NOS3: variants seen among roughly 807,000 people sequenced by gnomAD.
The protein encoded by NOS3 is NOS type III.
A neutral mutation model predicts 144.9 loss-of-function variants in NOS3; 98 were observed. The ratio of observed to expected loss-of-function variants is 0.68; its 90% CI spans 0.57 to 0.80. The LOEUF (loss-of-function observed/expected upper bound fraction) is 0.80. Ranked by LOEUF, NOS3 falls within the 30% of genes least tolerant of loss-of-function variation. The pLI is 0.00. For synonymous variants in NOS3, 714 were observed against 702.4 expected, an observed-to-expected ratio of 1.02 and a Z score of -0.26; for missense variants, 1,465 against 1,656.4, an observed-to-expected ratio of 0.88 and a Z score of 2.01.
At chr7:151,011,831 G>T in intron 23 of NOS3, 1 of 444,454 alleles carries the variant, frequency 2.2e-6, no homozygotes. Flanking sequence ...GACCGAGGGT[G>T]AAGGATTTTA....
intron 4 of NOS3, 50 bp from the exon 5 acceptor site, chr7:150,996,713 T>C: frequency 6.3e-7 from 1 of 1,584,668 alleles, no homozygotes; most frequent in East Asian, 2.3e-5. Context: ...AGGGCCTCCC[T>C]GTCCCACACA....
chr7:150,993,851 C>T lies in NOS3; in HGVS notation c.48C>T (p.Gly16=), dbSNP rs1359834869. The T allele has an allele frequency of 3.1e-6, 5 of 1,602,374 alleles. No individual in the cohort carries two copies. Among genetic ancestry groups the T allele is most frequent in the South Asian group, 1.1e-5 (1 of 90,196 alleles). The part of the protein sequence containing the change: ...SVAQEPGPPC[G]LGLGLGLGLC... ...CCCAGGAGCCTGGGCCACCCTGCGG[C>T]CTGGGGCTGGGGCTGGGCCTTGGGC... is the stretch of plus-strand genomic sequence containing the variant. The change falls in exon 2 of 27, where the codon GGC becomes GGT. Residue 16 remains glycine (G), a synonymous_variant. Transcript: ENST00000297494. This position sits in a 1 kb window ranked among gnomAD's most constrained non-coding sequence, Gnocchi z 4.0.
intron 20 of NOS3, 148 bp from the exon 21 acceptor site, chr7:151,009,967 C>T: frequency 1.7e-6 from 1 of 598,914 alleles, no homozygotes. Context: ...GGCCAGGGGC[C>T]CCCGAACAAT....
At position 150,998,951 on chromosome 7, in the gene NOS3, C is replaced by T. The variant is rs368927213; in HGVS notation, c.822C>T (p.Cys274=). 75 of 1,611,982 alleles carry T rather than the reference C, an allele frequency of 4.7e-5. No individual in the cohort carries two copies. Among genetic ancestry groups the T allele is most frequent in the Non-Finnish European group, 6.3e-5 (74 of 1,179,718 alleles). ...DPANVEITEL[C]IQHGWTPGNG... is the part of the protein sequence containing the mutation. ...CTCTGGCCCACTCCCCACAGCTCTG[C>T]ATTCAGCACGGCTGGACCCCAGGAA... Residue 274 remains cysteine (C), a synonymous_variant, in exon 8 of 27, where the codon TGC becomes TGT. Coordinates refer to ENST00000297494, the MANE Select transcript of NOS3 (RefSeq NM_000603.5). This position sits in a 1 kb window ranked among gnomAD's most constrained non-coding sequence, Gnocchi z 5.0.
intron 2 of NOS3, among the ~76,000 whole-genome samples, chr7:150,994,673 G>C (rs1053838606): frequency 1.3e-5 from 2 of 152,176 alleles, no homozygotes; most frequent in African/African-American, 4.8e-5. Flanking sequence ...GCTGAGGGCC[G>C]GGGCCCTGCT....
At chr7:151,012,220 T>TTTTTTTTTTTTTTTTTA in intron 23 of NOS3, 131 bp from the exon 24 acceptor site, 1 of 781,466 alleles carries the variant, frequency 1.3e-6, no homozygotes, top group Non-Finnish European at 1.9e-6. Flanking sequence ...TGTTTTTTGT[T>TTTTTTTTTTTTTTTTTA]TTTTGTTTTT....
At chr7:151,004,395 C>T (rs1159120376) in intron 14 of NOS3, among the ~76,000 whole-genome samples, 1 of 152,162 alleles carries the variant, frequency 6.6e-6, no homozygotes, top group African/African-American at 2.4e-5. Context: ...TTAAACTGCC[C>T]TTTAACATCT....
At chr7:151,006,014 C>T (rs1382114159) in intron 14 of NOS3, among the ~76,000 whole-genome samples, 3 of 152,256 alleles carry the variant, frequency 2.0e-5, no homozygotes, top group Admixed American at 2.0e-4. Flanking sequence ...AGAGCAAGAC[C>T]CATATCTAAA....
Position 151,010,617 on chromosome 7 carries a change from G to A in NOS3, c.2706G>A (p.Glu902=). 3.8e-6 allele frequency: 6 copies of A among 1,599,804 alleles called. No individual in the cohort carries two copies. In the African/African-American group the frequency reaches 5.3e-5, roughly 14 times the overall value. The change falls in exon 22 of 27, where the codon GAG becomes GAA. Residue 902 remains glutamate, a synonymous_variant. Transcript: ENST00000297494. ...ALSQDPRRYE[E]WKWFRCPTLL... ...GCCAGGATCCCCGACGCTACGAGGA[G>A]TGGAAGTGGTTCCGCTGCCCCACGC...
rs558556558 is a variant in NOS3 at position 151,001,965 on chromosome 7, G to A, written c.1647G>A (p.Arg549=). 10 of 1,613,286 alleles carry A rather than the reference G, an allele frequency of 6.2e-6. No individual in the cohort carries two copies. In the East Asian group the frequency reaches 6.7e-5, roughly 11 times the overall value. ...TCTTCCGGAAGGCTTTTGATCCCCG[G>A]GTAGGGCTGAGCCCAGGGGAGCAGG... ...GRLFRKAFDP[R]VLCMDEYDVV... The change falls in exon 13 of 27, where the codon CGG becomes CGA. Residue 549 remains arginine, a splice_region_variant and synonymous_variant. Coordinates refer to ENST00000297494, the MANE Select transcript of NOS3 (RefSeq NM_000603.5).
chr7:151,010,125 C>A lies in NOS3; in HGVS notation c.2523C>A (p.Pro841=). ...QLEKGSPGGP[P]PGWVRDPRLP... is the part of the protein sequence containing the mutation. ...GTGCACTATCCCCAGGTGGCCCTCC[C>A]CCCGGCTGGGTGCGGGACCCCCGGC... Residue 841 remains proline (P), a synonymous_variant, in exon 21 of 27, where the codon CCC becomes CCA. Transcript: ENST00000297494. 6.2e-7 allele frequency: 1 copy of A among 1,600,622 alleles called. No individual in the cohort carries two copies. Among genetic ancestry groups the A allele is most frequent in the Non-Finnish European group, 8.5e-7 (1 of 1,171,564 alleles).
Position 151,003,440 on chromosome 7 carries a change from C to T in NOS3, c.1752+1136C>T, listed in dbSNP as rs1432368886. ...TGCACCTGGCCCTCAGTATCTTAAGCAAGTTGGAATCTCGTGAAACCCTTT... is the reference window on the plus strand; with the variant it reads ...TGCACCTGGCCCTCAGTATCTTAAGTAAGTTGGAATCTCGTGAAACCCTTT... On this transcript the variant is annotated intron_variant, in intron 14 of 26. Coordinates refer to ENST00000297494, the MANE Select transcript of NOS3 (RefSeq NM_000603.5). The surrounding 1 kb of genome is among the most constrained non-coding windows in gnomAD (Gnocchi z 4.1). 4.1e-6 allele frequency: 5 copies of T among 1,216,516 alleles called. No individual in the cohort carries two copies. Among genetic ancestry groups the T allele is most frequent in the Non-Finnish European group, 5.3e-6 (5 of 951,294 alleles). The allele number at this position is 1,216,516 out of a possible 1,614,324, so 75.4% of individuals were successfully genotyped here.
rs917271703 is a variant in NOS3, at chr7:151,006,838, C to T, written c.1821-51C>T. 4.2e-6 allele frequency: 6 copies of T among 1,434,036 alleles called. No homozygotes were observed. The African/African-American group carries it at 7.0e-5, about 17-fold the overall frequency. The allele number at this position is 1,434,036 out of a possible 1,614,324, so 88.8% of individuals were successfully genotyped here. On this transcript the variant is annotated intron_variant, in intron 15 of 26. Transcript: ENST00000297494. Reference sequence around the variant, plus strand: ...TCCCTGGGGCTGGGGCTGGGCCTAGCCTGTATCCCCAGGGCCCTGTGACAA... The same window carrying T: ...TCCCTGGGGCTGGGGCTGGGCCTAGTCTGTATCCCCAGGGCCCTGTGACAA...
chr7:150,993,732 G>T lies in NOS3; in HGVS notation c.-51-21G>T. The stretch of plus-strand genomic sequence containing the variant: ...CCCCCTCCCACTGCCCCCTCCTCTC[G>T]GTCCCCTCCCTCTTCCTAAGGAAAA... On this transcript the variant is annotated intron_variant, in intron 1 of 26. Coordinates refer to ENST00000297494, the MANE Select transcript of NOS3 (RefSeq NM_000603.5). This position sits in a 1 kb window ranked among gnomAD's most constrained non-coding sequence, Gnocchi z 4.0. 6.7e-7 allele frequency: 1 copy of T among 1,495,978 alleles called. No homozygotes were observed. 92.7% of individuals were successfully genotyped at this position (1,495,978 alleles called of 1,614,324 possible).
At position 151,002,363 on chromosome 7, in the gene NOS3, C is replaced by T. The variant is rs1795126338; in HGVS notation, c.1752+59C>T. ...GAGGAGAGACTCAGAATTGGAGTGA[C>T]TGGGCAGGAACCTCTGCCCAACACA... is the stretch of plus-strand genomic sequence containing the variant. On this transcript the variant is annotated intron_variant, in intron 14 of 26. Coordinates refer to ENST00000297494, the MANE Select transcript of NOS3 (RefSeq NM_000603.5). This position sits in a 1 kb window ranked among gnomAD's most constrained non-coding sequence, Gnocchi z 4.1. The T allele has an allele frequency of 1.5e-6, 1 of 649,080 alleles. No individual in the cohort carries two copies. The highest frequency in any genetic ancestry group is 2.6e-6 in the Non-Finnish European group (1 of 381,268). The allele number at this position is 649,080 out of a possible 1,614,324, so 40.2% of individuals were successfully genotyped here. A position where few individuals can be genotyped will look rare whatever the true frequency, so the allele number is the denominator to read the frequency against.
rs946136599 is a variant in NOS3 at position 150,998,212 on chromosome 7, G to A, written c.583-145G>A. ...TATGTCAGAGAGCAGGGCAGGAAGG[G>A]ATCAGTGTGGCTGCCAATGGTCAGG... On this transcript the variant is annotated intron_variant, in intron 5 of 26. Transcript: ENST00000297494. The surrounding 1 kb of genome is among the most constrained non-coding windows in gnomAD (Gnocchi z 5.0). 1.3e-5 allele frequency: 9 copies of A among 670,768 alleles called. No individual in the cohort carries two copies. In the African/African-American group the frequency reaches 1.4e-4, roughly 11 times the overall value. The allele number at this position is 670,768 out of a possible 1,614,324, so 41.6% of individuals were successfully genotyped here. A position where few individuals can be genotyped will look rare whatever the true frequency, so the allele number is the denominator to read the frequency against.
chr7:151,010,004 C>A (rs1795269551), intron 20 of NOS3, 111 bp from the exon 21 acceptor site: 1 of 717,892 alleles, frequency 1.4e-6, no homozygotes, highest in Non-Finnish European at 2.4e-6. Flanking sequence ...GACAGGCCGA[C>A]CCCGCTGCTC....
rs1563213879 is a variant in NOS3, at chr7:150,996,974, C to CG, written c.582+53dup. The CG allele has an allele frequency of 2.0e-6, 3 of 1,518,952 alleles. No homozygotes were observed. The South Asian group carries it at 3.7e-5, about 19-fold the overall frequency. The allele number at this position is 1,518,952 out of a possible 1,614,324, so 94.1% of individuals were successfully genotyped here. ...GACCCGGGCGCTACCAAAAGGGGAGCGGGGTGGCGGGGCAGTTCCTAAGGC... is the reference window on the plus strand; with the variant it reads ...GACCCGGGCGCTACCAAAAGGGGAGCGGGGGTGGCGGGGCAGTTCCTAAGGC... On this transcript the variant is annotated intron_variant, in intron 5 of 26. Coordinates refer to ENST00000297494, the MANE Select transcript of NOS3 (RefSeq NM_000603.5).
Position 151,013,347 on chromosome 7 carries a change from A to G in NOS3, c.3223A>G (p.Thr1075Ala), listed in dbSNP as rs757159310. 1 of 1,613,704 alleles carries G rather than the reference A, an allele frequency of 6.2e-7. No homozygotes were observed. The highest frequency in any genetic ancestry group is 1.1e-5 in the South Asian group (1 of 91,064). Reference sequence around the variant, plus strand: ...GCGCGGGGTGTTTGGCCGAGTCCTCACCGCCTTCTCCCGGGAACCTGACAA... The same window carrying G: ...GCGCGGGGTGTTTGGCCGAGTCCTCGCCGCCTTCTCCCGGGAACCTGACAA... ...QQRGVFGRVLTAFSREPDNPK... is the reference protein window; with the variant it reads ...QQRGVFGRVLAAFSREPDNPK... The change falls in exon 25 of 27, where the codon ACC (threonine) becomes GCC (alanine). Residue 1075 changes from threonine to alanine, a missense_variant. Coordinates refer to ENST00000297494, the MANE Select transcript of NOS3 (RefSeq NM_000603.5).
Sources: allele counts gnomAD v4.1 joint callset (sites outside exome capture counted in the v4.1 genomes callset), GRCh38; gene constraint gnomAD v4.1.1; non-coding constraint Gnocchi (gnomAD v3.1); transcripts MANE v1.5; gene names NCBI Gene and HGNC (gene_info 2026-07-23, HGNC 2026-07-21).